SRSF11: variants seen among roughly 807,000 people sequenced by gnomAD.
The protein encoded by SRSF11 is serine and arginine rich splicing factor 11.
A neutral mutation model predicts 56.0 loss-of-function variants in SRSF11; 9 were observed. The ratio of observed to expected loss-of-function variants is 0.16; its 90% CI spans 0.10 to 0.28. The LOEUF (loss-of-function observed/expected upper bound fraction) is 0.28. Ranked by LOEUF, SRSF11 falls within the 10% of genes least tolerant of loss-of-function variation. The pLI is 1.00. For missense variants in SRSF11, 421 were observed against 600.7 expected, an observed-to-expected ratio of 0.70 and a Z score of 3.13; for synonymous variants, 222 against 215.3, an observed-to-expected ratio of 1.03 and a Z score of -0.27.
At chr1:70,230,341 G>A in intron 2 of SRSF11, 1 of 1,056,122 alleles carries the variant, frequency 9.5e-7, no homozygotes, top group Non-Finnish European at 1.1e-6. Flanking sequence ...ATTCCCTCCA[G>A]ATTTAGCTAT....
chr1:70,220,375 A>G (rs572957255), upstream of SRSF11, among the ~76,000 whole-genome samples: 15 of 152,356 alleles, frequency 9.8e-5, no homozygotes, highest in African/African-American at 3.4e-4. Context: ...AGTTGAGAGA[A>G]TAGTTCAGAT....
At chr1:70,208,398 A>G (rs977919379) in intron 1 of SRSF11, among the ~76,000 whole-genome samples, 2 of 152,028 alleles carry the variant, frequency 1.3e-5, no homozygotes, top group African/African-American at 4.8e-5. Flanking sequence ...CAATGGCTCA[A>G]CCTTGGTCAC....
chr1:70,214,060 G>GA (rs908429294), intron 1 of SRSF11, among the ~76,000 whole-genome samples: 65 of 152,008 alleles, frequency 4.3e-4, no homozygotes, highest in African/African-American at 1.5e-3. Flanking sequence ...CTGCATGGGG[G>GA]AAAAAAACAT....
At chr1:70,235,811 A>C (rs1240626139) in intron 5 of SRSF11, among the ~76,000 whole-genome samples, 1 of 152,246 alleles carries the variant, frequency 6.6e-6, no homozygotes, top group Non-Finnish European at 1.5e-5. Flanking sequence ...AATAAGGGAC[A>C]ACTTCGTTTG....
chr1:70,221,248 GA>G, upstream of SRSF11: 1 of 220,160 alleles, frequency 4.5e-6, no homozygotes, highest in East Asian at 9.5e-5. Context: ...GACGAAGGTG[GA>G]TAACACCTTT....
At chr1:70,215,758 C>T (rs896272597) in intron 1 of SRSF11, among the ~76,000 whole-genome samples, 3 of 152,116 alleles carry the variant, frequency 2.0e-5, no homozygotes, top group Non-Finnish European at 4.4e-5. Context: ...CAGTGGGTAG[C>T]GGGATTATGC....
At chr1:70,206,790 TTTG>T (rs1669073157) in intron 1 of SRSF11, among the ~76,000 whole-genome samples, 1 of 152,154 alleles carries the variant, frequency 6.6e-6, no homozygotes, top group South Asian at 2.1e-4. Context: ...CTCTACCCTT[TTTG>T]TTCTTATTTC....
At chr1:70,214,906 T>G (rs941196305) in intron 1 of SRSF11, among the ~76,000 whole-genome samples, 1 of 149,172 alleles carries the variant, frequency 6.7e-6, no homozygotes, top group Non-Finnish European at 1.5e-5. Context: ...TTTTTTTTTT[T>G]TTTTTTTTTT....
At chr1:70,238,284 T>TA (rs1348773165) in intron 6 of SRSF11, among the ~76,000 whole-genome samples, 2 of 152,314 alleles carry the variant, frequency 1.3e-5, no homozygotes, top group East Asian at 3.9e-4. Flanking sequence ...CGGGTGTATG[T>TA]AAAGTTTATG....
In SRSF11 at chr1:70,229,844, T is replaced by C. The variant is rs920342155; in HGVS notation, c.337+1289T>C. ...GACATGTTATGTAATAGTACCTCTG[T>C]CTCCATGATATTAAAGTGTATGAGC... On this transcript the variant is annotated intron_variant, in intron 2 of 11. Transcript: ENST00000370949. The C allele has an allele frequency of 2.2e-5, 22 of 983,590 alleles. No individual in the cohort carries two copies. The African/African-American group carries it at 3.8e-4, about 17-fold the overall frequency. The allele number at this position is 983,590 out of a possible 1,614,324, so 60.9% of individuals were successfully genotyped here. A position where few individuals can be genotyped will look rare whatever the true frequency, so the allele number is the denominator to read the frequency against.
At chr1:70,233,471 C>T (rs1417353235) in intron 3 of SRSF11, among the ~76,000 whole-genome samples, 2 of 152,156 alleles carry the variant, frequency 1.3e-5, no homozygotes, top group African/African-American at 4.8e-5. Context: ...AACTCTTGGC[C>T]TCAAGTGATC....
intron 2 of SRSF11, chr1:70,231,874 G>A (rs759026295): frequency 4.0e-6 from 6 of 1,494,476 alleles, no homozygotes; most frequent in Non-Finnish European, 4.5e-6. Flanking sequence ...CAGCCGACAC[G>A]AGTCGTTGTT....
At chr1:70,239,401 T>G in intron 6 of SRSF11, 38 bp from the exon 7 acceptor site, 1 of 1,483,558 alleles carries the variant, frequency 6.7e-7, no homozygotes, top group South Asian at 1.2e-5. Flanking sequence ...CCCTATTTAA[T>G]AACTTCTAAA....
intron 3 of SRSF11, among the ~76,000 whole-genome samples, chr1:70,234,234 A>G (rs1050735647): frequency 1.3e-5 from 2 of 152,200 alleles, no homozygotes; most frequent in South Asian, 4.1e-4. Flanking sequence ...ATGAAGTCTT[A>G]TATCATGGCA....
At chr1:70,246,962 G>GT (rs1676904349) in intron 9 of SRSF11, 55 bp downstream of exon 9, 5 of 1,422,236 alleles carry the variant, frequency 3.5e-6, no homozygotes, top group Non-Finnish European at 4.8e-6. Context: ...GCTTCTAACA[G>GT]TATCAGTACG....
chr1:70,237,727 G>A (rs1674436362), intron 6 of SRSF11, among the ~76,000 whole-genome samples, 175 bp downstream of exon 6: 1 of 152,178 alleles, frequency 6.6e-6, no homozygotes, highest in Non-Finnish European at 1.5e-5. Flanking sequence ...GTGGTCACAG[G>A]AGTACCAACT....
intron 1 of SRSF11, among the ~76,000 whole-genome samples, chr1:70,206,741 G>A (rs997019865): frequency 5.9e-5 from 9 of 152,076 alleles, no homozygotes; most frequent in Non-Finnish European, 1.2e-4. Context: ...ACTTTTACCT[G>A]AGTCCAGGTT....
upstream of SRSF11, among the ~76,000 whole-genome samples, chr1:70,217,462 GT>G (rs1325662336): frequency 6.6e-6 from 1 of 152,026 alleles, no homozygotes; most frequent in Non-Finnish European, 1.5e-5. Flanking sequence ...TGGCTGTGTT[GT>G]TTTTTTATTG....
At chr1:70,250,576 G>T (rs1239633575) in intron 11 of SRSF11, 32 bp from the exon 12 acceptor site, 6 of 1,609,318 alleles carry the variant, frequency 3.7e-6, no homozygotes, top group Non-Finnish European at 5.1e-6. Context: ...TTTCTTTGGA[G>T]AAGTTTACTT....
Sources: allele counts gnomAD v4.1 joint callset (sites outside exome capture counted in the v4.1 genomes callset), GRCh38; gene constraint gnomAD v4.1.1; transcripts MANE v1.5; gene names NCBI Gene and HGNC (gene_info 2026-07-23, HGNC 2026-07-21).